SLF2: variants seen among roughly 807,000 people sequenced by gnomAD.
The protein encoded by SLF2 is SMC5/6 complex localization factor 2.
In SLF2, 68 loss-of-function variants were observed where a neutral mutation model predicts 124.3. The ratio of observed to expected loss-of-function variants is 0.55; its 90% CI spans 0.45 to 0.67. The LOEUF (loss-of-function observed/expected upper bound fraction) is 0.67. Among genes scored for constraint, SLF2 ranks in the 30% least tolerant of loss-of-function variants. The pLI is 0.00. For synonymous variants in SLF2, 480 were observed against 478.8 expected (o/e 1.00, Z -0.03); for missense variants, 1,246 against 1,373.7 (o/e 0.91, Z 1.47).
At chr10:100,947,919 C>A in intron 15 of SLF2, 72 bp downstream of exon 15, 1 of 1,162,332 alleles carries the variant, frequency 8.6e-7, no homozygotes. Flanking sequence ...ATTGATGAAC[C>A]CTAAGTCAAA....
chr10:100,948,475 A>G (rs1443357888), intron 15 of SLF2, among the ~76,000 whole-genome samples: 1 of 152,112 alleles, frequency 6.6e-6, no homozygotes, highest in East Asian at 1.9e-4. Flanking sequence ...TAATATATAT[A>G]TGAATGTTTT....
At position 100,928,079 on chromosome 10, in the gene SLF2, C is replaced by CAGAGAGAGAGAGAG. The variant is rs71013474; in HGVS notation, c.2043-1226_2043-1213dup. 1.2e-3 allele frequency among the ~76,000 whole-genome samples: 138 copies of CAGAGAGAGAGAGAG among 113,090 alleles called. 1 individual carries two copies. The highest frequency in any genetic ancestry group is 4.5e-3 in the African/African-American group (129 of 28,430). 74.2% of individuals were successfully genotyped at this position (113,090 alleles called of 152,430 possible). A position where few individuals can be genotyped will look rare whatever the true frequency, so the allele number is the denominator to read the frequency against. On this transcript the variant is annotated intron_variant, in intron 6 of 19. Coordinates refer to ENST00000238961, the MANE Select transcript of SLF2 (RefSeq NM_018121.4). ...CACACACACACACACGAGAGAGAGACAGAGAGAGAGAGAGAGAGAGAGAGA... is the reference window on the plus strand; with the variant it reads ...CACACACACACACACGAGAGAGAGACAGAGAGAGAGAGAGAGAGAGAGAGAGAGAGAGAGAGAGA...
At chr10:100,955,192 G>A (rs1435995576) in intron 17 of SLF2, among the ~76,000 whole-genome samples, 3 of 151,238 alleles carry the variant, frequency 2.0e-5, no homozygotes, top group East Asian at 1.9e-4. Context: ...TGCCCGCCTC[G>A]GCCTCCCAAA....
At chr10:100,925,847 T>G in intron 5 of SLF2, 102 bp from the exon 6 acceptor site, 1 of 1,130,530 alleles carries the variant, frequency 8.8e-7, no homozygotes, top group Non-Finnish European at 1.3e-6. Context: ...TGGCCCAGAT[T>G]ATTGAAATAG....
At chr10:100,930,721 T>G (rs977975974) in intron 8 of SLF2, among the ~76,000 whole-genome samples, 2 of 152,230 alleles carry the variant, frequency 1.3e-5, no homozygotes, top group Non-Finnish European at 1.5e-5. Context: ...ATAGGCTCTT[T>G]CTCAACACTA....
chr10:100,934,332 A>G (rs992548188), intron 9 of SLF2, among the ~76,000 whole-genome samples: 8 of 152,220 alleles, frequency 5.3e-5, no homozygotes, highest in Non-Finnish European at 1.2e-4. Context: ...AGATTGCTGT[A>G]TATACTCCTT....
chr10:100,964,680 T>C lies in SLF2; in HGVS notation c.*2768T>C, dbSNP rs1427678754. 6.6e-6 allele frequency: 1 copy of C among 152,652 alleles called. No individual in the cohort carries two copies. The highest frequency in any genetic ancestry group is 1.5e-5 in the Non-Finnish European group (1 of 68,048). 9.5% of individuals were successfully genotyped at this position (152,652 alleles called of 1,614,324 possible). A position where few individuals can be genotyped will look rare whatever the true frequency, so the allele number is the denominator to read the frequency against. On this transcript the variant is annotated 3_prime_UTR_variant, in exon 20 of 20. Transcript: ENST00000238961. The stretch of plus-strand genomic sequence containing the variant: ...TATCATCCAGGCTTAGTTGGAGTAT[T>C]TGCATTTTTATTTTTATCAAAACAA...
rs752211851 is a variant in SLF2, at chr10:100,947,089, C to T, written c.2985C>T (p.Asn995=). 6 of 1,611,010 alleles carry T rather than the reference C, an allele frequency of 3.7e-6. No homozygotes were observed. Among genetic ancestry groups the T allele is most frequent in the Admixed American group, 3.4e-5 (2 of 59,376 alleles). The change falls in exon 14 of 20, where the codon AAC becomes AAT. Residue 995 remains asparagine, a synonymous_variant. Transcript: ENST00000238961. The part of the protein sequence containing the change: ...GINELSSHPH[N]LLWLVQLVPN... ...ATGAACTCTCCAGTCATCCCCACAACCTCCTGTGGTTGGTACAGCTGGTCC... is the reference window on the plus strand; with the variant it reads ...ATGAACTCTCCAGTCATCCCCACAATCTCCTGTGGTTGGTACAGCTGGTCC...
intron 19 of SLF2, among the ~76,000 whole-genome samples, chr10:100,959,822 G>C (rs144990914): frequency 2.0e-5 from 3 of 152,294 alleles, no homozygotes; most frequent in Non-Finnish European, 2.9e-5. Context: ...AACGTGTACA[G>C]TGGTTTTTAT....
chr10:100,925,394 A>G (rs1446241013), intron 5 of SLF2, among the ~76,000 whole-genome samples: 2 of 152,250 alleles, frequency 1.3e-5, no homozygotes, highest in Non-Finnish European at 2.9e-5. Context: ...GAAGTTCCAT[A>G]TAAATAGAAG....
In SLF2 at chr10:100,930,978, C is replaced by T. The variant is rs535367769; in HGVS notation, c.2336C>T (p.Ser779Leu). ...TTGATTTTACTTTATTTTTTCAGAT[C>T]GGGAAAAACAGATCAGATTTTTTTG... ...QSAVEKLILK[S>L]GKTDQIFLTT... The change falls in exon 9 of 20, where the codon TCG becomes TTG. Residue 779 changes from serine (S) to leucine (L), a missense_variant and splice_region_variant. Coordinates refer to ENST00000238961, the MANE Select transcript of SLF2 (RefSeq NM_018121.4). The T allele has an allele frequency of 4.3e-6, 7 of 1,612,130 alleles. No individual in the cohort carries two copies. Among genetic ancestry groups the T allele is most frequent in the South Asian group, 2.2e-5 (2 of 90,864 alleles).
chr10:100,951,209 C>T (rs1850208321), intron 17 of SLF2, among the ~76,000 whole-genome samples: 1 of 152,192 alleles, frequency 6.6e-6, no homozygotes, highest in Admixed American at 6.5e-5. Flanking sequence ...CGCCACTGCA[C>T]TCCAGCCTGG....
In SLF2 at chr10:100,947,743, T is replaced by C. The variant is rs761120506; in HGVS notation, c.3033-17T>C. 3.8e-6 allele frequency: 6 copies of C among 1,571,402 alleles called. No individual in the cohort carries two copies. In the East Asian group the frequency reaches 6.7e-5, roughly 18 times the overall value. ...TAATTAAAATACATTCTAAATACTTTTAACTTCTAATTCTAGGCAACTGAG... is the reference window on the plus strand; with the variant it reads ...TAATTAAAATACATTCTAAATACTTCTAACTTCTAATTCTAGGCAACTGAG... On this transcript the variant is annotated splice_polypyrimidine_tract_variant and intron_variant, in intron 14 of 19. Transcript: ENST00000238961.
intron 4 of SLF2, among the ~76,000 whole-genome samples, chr10:100,920,542 T>C (rs1462797079): frequency 4.6e-5 from 7 of 152,260 alleles, no homozygotes; most frequent in South Asian, 2.1e-4. Context: ...TCTTAATAAA[T>C]ATACATTTAT....
rs931096625 is a variant in SLF2 at position 100,953,168 on chromosome 10, A to C, written c.3330+2415A>C. Among the ~76,000 whole-genome samples, 4 of 151,200 alleles carry C rather than the reference A, an allele frequency of 2.6e-5. No individual in the cohort carries two copies. The East Asian group carries it at 8.2e-4, about 31-fold the overall frequency. On this transcript the variant is annotated intron_variant, in intron 17 of 19. Coordinates refer to ENST00000238961, the MANE Select transcript of SLF2 (RefSeq NM_018121.4). ...GTAGCTGGGATCACAGGCGCCTGCC[A>C]CCACATCCACACCCAGCTAATTTTT...
At chr10:100,919,278 T>C (rs527858399) in intron 4 of SLF2, among the ~76,000 whole-genome samples, 5 of 152,188 alleles carry the variant, frequency 3.3e-5, no homozygotes, top group African/African-American at 1.2e-4. Flanking sequence ...CCCAAAGTGC[T>C]GGGATTACAG....
intron 17 of SLF2, among the ~76,000 whole-genome samples, chr10:100,951,030 C>T (rs1850202644): frequency 6.6e-6 from 1 of 152,174 alleles, no homozygotes; most frequent in Non-Finnish European, 1.5e-5. Context: ...CACTTGAGGT[C>T]AGGAGTTCAA....
At chr10:100,936,638 A>G (rs1849866314) in intron 9 of SLF2, among the ~76,000 whole-genome samples, 1 of 152,080 alleles carries the variant, frequency 6.6e-6, no homozygotes, top group Admixed American at 6.6e-5. Flanking sequence ...CCAGCCAGTG[A>G]TATCTTACTG....
At chr10:100,913,292 C>T (rs1849354060) in intron 1 of SLF2, 42 bp downstream of exon 1, 1 of 1,518,540 alleles carries the variant, frequency 6.6e-7, no homozygotes, top group East Asian at 2.6e-5. Context: ...GTCGCGGGGG[C>T]AAGGGTATGA....
Sources: allele counts gnomAD v4.1 joint callset (sites outside exome capture counted in the v4.1 genomes callset), GRCh38; gene constraint gnomAD v4.1.1; transcripts MANE v1.5; gene names NCBI Gene and HGNC (gene_info 2026-07-23, HGNC 2026-07-21).